Variants in LPP observed in about 807,000 individuals in gnomAD.
LPP encodes LIM domain containing preferred translocation partner in lipoma, also known as lipoma-preferred partner.
LPP carries 38 observed loss-of-function variants against 60.4 expected under a neutral mutation model. The observed-to-expected ratio is 0.63, with a 90% confidence interval of 0.49 to 0.83. The LOEUF (loss-of-function observed/expected upper bound fraction) is 0.83, where lower values mean the gene tolerates loss of function less well. LPP is among the 40% of genes least tolerant of loss of function. The pLI is 0.00. For missense variants in LPP, 902 were observed against 783.6 expected, an observed-to-expected ratio of 1.15 and a Z score of -1.80; for synonymous variants, 328 against 290.8, an observed-to-expected ratio of 1.13 and a Z score of -1.30.
chr3:188,241,306 T>A (rs1724703908), intron 2 of LPP, among the ~76,000 whole-genome samples: 1 of 152,336 alleles, frequency 6.6e-6, no homozygotes, highest in Admixed American at 6.5e-5. Context: ...CATGACTGGG[T>A]ATAAACGCCT....
intron 1 of LPP, among the ~76,000 whole-genome samples, chr3:188,183,332 T>G (rs1259724080): frequency 6.6e-6 from 1 of 152,240 alleles, no homozygotes; most frequent in East Asian, 1.9e-4. Context: ...CAATATCTAC[T>G]GCTCTAAGTG....
intron 9 of LPP, among the ~76,000 whole-genome samples, chr3:188,845,341 C>G (rs1389344756): frequency 6.6e-6 from 1 of 152,188 alleles, no homozygotes; most frequent in East Asian, 1.9e-4. Context: ...AACCTCAGAG[C>G]ATTTATGCCT....
chr3:188,170,780 A>G (rs1721375057), intron 1 of LPP, among the ~76,000 whole-genome samples: 1 of 151,924 alleles, frequency 6.6e-6, no homozygotes, highest in African/African-American at 2.4e-5. Flanking sequence ...ATTCTTATTC[A>G]TCTGAATCAT....
chr3:188,656,468 A>C (rs1370055271), intron 7 of LPP, among the ~76,000 whole-genome samples: 2 of 152,066 alleles, frequency 1.3e-5, no homozygotes, highest in Non-Finnish European at 2.9e-5. Context: ...GACTCAAAAA[A>C]AGCAAACAAA....
At chr3:188,296,720 C>T (rs1426699261) in intron 2 of LPP, among the ~76,000 whole-genome samples, 5 of 152,196 alleles carry the variant, frequency 3.3e-5, no homozygotes, top group Non-Finnish European at 5.9e-5. Context: ...GAAATTTACC[C>T]TCTTCCTCTC....
intron 1 of LPP, among the ~76,000 whole-genome samples, chr3:188,190,568 A>C (rs1002159472): frequency 1.4e-4 from 22 of 152,240 alleles, no homozygotes; most frequent in African/African-American, 4.8e-4. Context: ...TGGTCTCATA[A>C]GTGCTTGCAT....
chr3:188,626,332 G>C (rs1846827494), intron 7 of LPP, among the ~76,000 whole-genome samples: 1 of 152,104 alleles, frequency 6.6e-6, no homozygotes, highest in Non-Finnish European at 1.5e-5. Flanking sequence ...AACTAATCTA[G>C]AGATGATTTA....
chr3:188,607,855 CTATT>C lies in LPP; in HGVS notation c.430-1302_430-1299del, dbSNP rs753651219. On this transcript the variant is annotated intron_variant, in intron 6 of 11. Coordinates refer to ENST00000617246, the MANE Select transcript of LPP (RefSeq NM_001375462.1). The stretch of plus-strand genomic sequence containing the variant: ...TATGATTTGTTATGTGTATATAAAT[CTATT>C]TATACAATCATCTATAAATACAGAT... Among the ~76,000 whole-genome samples, 16 of 152,202 alleles carry C rather than the reference CTATT, an allele frequency of 1.1e-4. No individual in the cohort carries two copies. In the East Asian group the frequency reaches 2.9e-3, roughly 28 times the overall value.
chr3:188,553,852 T>C (rs543078984), intron 6 of LPP: 1 of 152,356 alleles, frequency 6.6e-6, no homozygotes, highest in Admixed American at 6.5e-5. Context: ...GTTCAATGCC[T>C]GAGCTTCTAC....
chr3:188,478,781 A>G (rs1803920981), intron 4 of LPP, among the ~76,000 whole-genome samples: 1 of 151,948 alleles, frequency 6.6e-6, no homozygotes, highest in South Asian at 2.1e-4. Flanking sequence ...TTTGAGATGG[A>G]GTCTTGCTCT....
intron 6 of LPP, among the ~76,000 whole-genome samples, chr3:188,607,418 A>ATT (rs774045050): frequency 0.038 from 1,461 of 38,150 alleles, 79 homozygotes; most frequent in African/African-American, 0.087. Flanking sequence ...TATATATATA[A>ATT]TTTTTTTTTC....
At chr3:188,475,861 C>G (rs533844847) in intron 4 of LPP, among the ~76,000 whole-genome samples, 3 of 152,280 alleles carry the variant, frequency 2.0e-5, no homozygotes, top group African/African-American at 7.2e-5. Flanking sequence ...CGAGATTGCG[C>G]CACTGCAGTC....
intron 4 of LPP, among the ~76,000 whole-genome samples, chr3:188,484,238 C>T (rs748560775): frequency 3.9e-5 from 6 of 152,112 alleles, no homozygotes; most frequent in Non-Finnish European, 7.4e-5. Flanking sequence ...TAGTTTTGTA[C>T]AATTTTTCTT....
At chr3:188,586,738 T>TTA (rs1308226070) in intron 6 of LPP, among the ~76,000 whole-genome samples, 4 of 151,220 alleles carry the variant, frequency 2.6e-5, no homozygotes, top group Non-Finnish European at 1.5e-5. Flanking sequence ...CATTGTTTTT[T>TTA]TTTTTTTTAA....
intron 6 of LPP, among the ~76,000 whole-genome samples, chr3:188,579,253 G>A (rs1200555799): frequency 6.6e-6 from 1 of 151,528 alleles, no homozygotes; most frequent in African/African-American, 2.4e-5. Flanking sequence ...GGAACATGGA[G>A]GTGTGTGTGT....
At chr3:188,169,906 A>G (rs9817667) in intron 1 of LPP, among the ~76,000 whole-genome samples, 41,136 of 152,036 alleles carry the variant, frequency 0.27, 7,134 homozygotes, top group South Asian at 0.46. Context: ...TTAGACATAG[A>G]GTCTTTTAAC....
intron 8 of LPP, among the ~76,000 whole-genome samples, chr3:188,752,732 T>C (rs1728498391): frequency 6.6e-6 from 1 of 152,174 alleles, no homozygotes; most frequent in Non-Finnish European, 1.5e-5. Context: ...TCCTGGGAGA[T>C]TTGGCACTAG....
chr3:188,283,226 C>T (rs80236973), intron 2 of LPP, among the ~76,000 whole-genome samples: 14,569 of 152,180 alleles, frequency 0.096, 853 homozygotes, highest in Non-Finnish European at 0.13. Flanking sequence ...GAGTGTCAAC[C>T]CTCCTCATAT....
chr3:188,291,362 G>A (rs981075477), intron 2 of LPP, among the ~76,000 whole-genome samples: 11 of 152,118 alleles, frequency 7.2e-5, no homozygotes, highest in Non-Finnish European at 1.0e-4. Context: ...GACATTGGCC[G>A]GGCGTGGTGG....
Sources: allele counts gnomAD v4.1 joint callset (sites outside exome capture counted in the v4.1 genomes callset), GRCh38; gene constraint gnomAD v4.1.1; transcripts MANE v1.5; gene names NCBI Gene and HGNC (gene_info 2026-07-23, HGNC 2026-07-21).